RERE: variants seen among roughly 807,000 people sequenced by gnomAD.
The protein encoded by RERE is arginine-glutamic acid dipeptide repeats.
In RERE, 40 loss-of-function variants were observed where a neutral mutation model predicts 146.1. That is an observed-to-expected ratio of 0.27 (90% confidence interval 0.21 to 0.36). The LOEUF (loss-of-function observed/expected upper bound fraction) is 0.36, where lower values mean the gene tolerates loss of function less well. RERE is among the 10% of genes least tolerant of loss of function. The probability of loss-of-function intolerance (pLI) is 1.00; values close to 1 mark genes in which losing one functional copy is unlikely to be tolerated. For synonymous variants in RERE, 1,003 were observed against 866.0 expected, an observed-to-expected ratio of 1.16 and a Z score of -2.78; for missense variants, 1,933 against 2,138.7, an observed-to-expected ratio of 0.90 and a Z score of 1.90.
intron 10 of RERE, among the ~76,000 whole-genome samples, chr1:8,467,905 A>C (rs547820746): frequency 6.6e-6 from 1 of 152,298 alleles, no homozygotes; most frequent in Non-Finnish European, 1.5e-5. Flanking sequence ...CGGCCTCCCA[A>C]AGTATTGGGA....
At chr1:8,596,697 G>C (rs1156549203) in intron 4 of RERE, among the ~76,000 whole-genome samples, 1 of 146,084 alleles carries the variant, frequency 6.8e-6, no homozygotes, top group Non-Finnish European at 1.5e-5. Flanking sequence ...TTCTGGTAGA[G>C]ACAAGGTCTT....
intron 4 of RERE, among the ~76,000 whole-genome samples, chr1:8,588,244 A>C (rs1158331619): frequency 1.3e-5 from 2 of 152,246 alleles, no homozygotes; most frequent in Non-Finnish European, 2.9e-5. Context: ...ACCAATTAAC[A>C]CAATGGGGAA....
intron 11 of RERE, chr1:8,428,700 A>G (rs1402734819): frequency 6.6e-6 from 1 of 152,198 alleles, no homozygotes; most frequent in African/African-American, 2.4e-5. Flanking sequence ...CTTGGAAGCC[A>G]TGTGATCTAG....
rs1289085716 is a variant in RERE at position 8,606,640 on chromosome 1, T to C, written c.522+7921A>G. Among the ~76,000 whole-genome samples, 3 of 152,074 alleles carry C rather than the reference T, an allele frequency of 2.0e-5. No homozygotes were observed. The East Asian group carries it at 5.8e-4, about 29-fold the overall frequency. The stretch of plus-strand genomic sequence containing the variant: ...AAGCCAAAAGGTGGGAGGAATAGAG[T>C]AACAAACTTTTAATCAGCTAGCATG... On this transcript the variant is annotated intron_variant, in intron 4 of 22. Coordinates refer to ENST00000400908, the MANE Select transcript of RERE (RefSeq NM_001042681.2).
At chr1:8,563,807 G>GCTTAAAA (rs1356755842) in intron 4 of RERE, among the ~76,000 whole-genome samples, 1 of 152,160 alleles carries the variant, frequency 6.6e-6, no homozygotes, top group African/African-American at 2.4e-5. Flanking sequence ...ATACTGTATG[G>GCTTAAAA]CTTAAAAAGA....
intron 10 of RERE, among the ~76,000 whole-genome samples, chr1:8,489,074 G>A (rs953139457): frequency 6.6e-6 from 1 of 152,116 alleles, no homozygotes; most frequent in African/African-American, 2.4e-5. Flanking sequence ...GCCAGGTGCG[G>A]TGGCTCATGT....
At chr1:8,604,529 G>A (rs1394802146) in intron 4 of RERE, among the ~76,000 whole-genome samples, 1 of 148,506 alleles carries the variant, frequency 6.7e-6, no homozygotes, top group Non-Finnish European at 1.5e-5. Flanking sequence ...TTTTGTTGTG[G>A]GGGAAGAGGA....
rs1646435455 is a variant in RERE, at chr1:8,587,041, A to G, written c.522+27520T>C. Among the ~76,000 whole-genome samples the G allele has an allele frequency of 2.0e-5, 3 of 152,208 alleles. No homozygotes were observed. In the South Asian group the frequency reaches 6.2e-4, roughly 32 times the overall value. Reference sequence around the variant, plus strand: ...TTAACTCATAATAAATGCCACAGACATAAAGCTTCTGATAGAACAAGCCCC... The same window carrying G: ...TTAACTCATAATAAATGCCACAGACGTAAAGCTTCTGATAGAACAAGCCCC... On this transcript the variant is annotated intron_variant, in intron 4 of 22. Coordinates refer to ENST00000400908, the MANE Select transcript of RERE (RefSeq NM_001042681.2).
At chr1:8,704,619 A>G (rs1455469986) in intron 1 of RERE, among the ~76,000 whole-genome samples, 1 of 152,244 alleles carries the variant, frequency 6.6e-6, no homozygotes, top group Non-Finnish European at 1.5e-5. Context: ...GGGTGGGGCC[A>G]GGCTGAATAG....
At chr1:8,815,449 G>A (rs1044126250) in intron 1 of RERE, among the ~76,000 whole-genome samples, 3 of 152,140 alleles carry the variant, frequency 2.0e-5, no homozygotes, top group South Asian at 4.1e-4. Context: ...CAGGGTCAAT[G>A]AGAAATACAA....
At chr1:8,665,385 T>A (rs1638547240) in intron 1 of RERE, among the ~76,000 whole-genome samples, 1 of 152,200 alleles carries the variant, frequency 6.6e-6, no homozygotes, top group Non-Finnish European at 1.5e-5. Flanking sequence ...ATTCCTTAAC[T>A]CACTGCCTGG....
At chr1:8,378,071 T>C (rs1642320396) in intron 12 of RERE, among the ~76,000 whole-genome samples, 2 of 152,164 alleles carry the variant, frequency 1.3e-5, no homozygotes, top group South Asian at 2.1e-4. Context: ...AATTTTAAAA[T>C]TGCTCAATAC....
intron 11 of RERE, among the ~76,000 whole-genome samples, chr1:8,432,435 C>T (rs1644108283): frequency 6.6e-6 from 1 of 151,830 alleles, no homozygotes; most frequent in Non-Finnish European, 1.5e-5. Flanking sequence ...AGGAGCACAG[C>T]ACGAGGCACT....
At chr1:8,401,534 AG>A (rs1643263826) in intron 12 of RERE, among the ~76,000 whole-genome samples, 1 of 152,112 alleles carries the variant, frequency 6.6e-6, no homozygotes, top group Non-Finnish European at 1.5e-5. Context: ...TTGAGACAAG[AG>A]GATCACTTGA....
chr1:8,487,961 C>A (rs1055345188), intron 10 of RERE, among the ~76,000 whole-genome samples: 1 of 151,808 alleles, frequency 6.6e-6, no homozygotes. Context: ...TAAAAGAAAG[C>A]GGGGCATGGT....
At chr1:8,763,715 C>T (rs767274517) in intron 1 of RERE, among the ~76,000 whole-genome samples, 20 of 151,908 alleles carry the variant, frequency 1.3e-4, no homozygotes, top group Non-Finnish European at 2.2e-4. Flanking sequence ...CCGAGGCAGG[C>T]GGATCACGAG....
At chr1:8,774,066 G>A (rs895487563) in intron 1 of RERE, among the ~76,000 whole-genome samples, 6 of 152,112 alleles carry the variant, frequency 3.9e-5, no homozygotes, top group African/African-American at 1.4e-4. Context: ...CATCTAACCA[G>A]GTACCTTGTT....
At chr1:8,532,222 T>G (rs753574862) in intron 7 of RERE, among the ~76,000 whole-genome samples, 3 of 152,240 alleles carry the variant, frequency 2.0e-5, no homozygotes, top group Non-Finnish European at 4.4e-5. Flanking sequence ...TAACATTTCA[T>G]TTAAACATTT....
chr1:8,755,798 C>T (rs1029799087), intron 1 of RERE, among the ~76,000 whole-genome samples: 1 of 152,152 alleles, frequency 6.6e-6, no homozygotes, highest in Non-Finnish European at 1.5e-5. Context: ...GGTGCAGTGG[C>T]TCACACCTAT....
Sources: gnomAD v4.1 joint callset for allele counts (sites outside exome capture counted in the v4.1 genomes callset) on GRCh38, gnomAD v4.1.1 for gene constraint, MANE v1.5 for transcripts, NCBI Gene and HGNC (gene_info 2026-07-23, HGNC 2026-07-21) for gene names.